The following PTPRJ variants were observed in gnomAD, a reference collection of about 807,000 sequenced individuals.
PTPRJ encodes the protein receptor-type tyrosine-protein phosphatase eta.
Under a neutral mutation model 141.3 loss-of-function variants are expected in PTPRJ, and 129 were observed. The observed-to-expected ratio is 0.91, with a 90% confidence interval of 0.79 to 1.06. PTPRJ has a LOEUF of 1.06. PTPRJ is among the 50% of genes least tolerant of loss of function. The probability of loss-of-function intolerance (pLI) is 0.00; values close to 1 mark genes in which losing one functional copy is unlikely to be tolerated. For missense variants in PTPRJ, 1,601 were observed against 1,679.7 expected (o/e 0.95, Z 0.82); for synonymous variants, 610 against 640.5 (o/e 0.95, Z 0.72).
At chr11:47,988,262 A>G (rs1854102039) in intron 1 of PTPRJ, among the ~76,000 whole-genome samples, 1 of 152,260 alleles carries the variant, frequency 6.6e-6, no homozygotes, top group Admixed American at 6.5e-5. Context: ...GTAAAAGGGA[A>G]GAATCCTTCC....
At chr11:48,132,193 A>T in intron 8 of PTPRJ, 11 of 985,428 alleles carry the variant, frequency 1.1e-5, no homozygotes, top group Non-Finnish European at 1.2e-5. Flanking sequence ...CCTAAACAAC[A>T]CTGTGATGAG....
chr11:48,100,482 G>A (rs889074122), intron 1 of PTPRJ, among the ~76,000 whole-genome samples: 1 of 152,298 alleles, frequency 6.6e-6, no homozygotes, highest in East Asian at 1.9e-4. Context: ...GTCTTATGAG[G>A]TAAATACTGT....
At chr11:48,164,304 T>C (rs1007612740) in intron 23 of PTPRJ, 76 bp from the exon 24 acceptor site, 1 of 1,551,866 alleles carries the variant, frequency 6.4e-7, no homozygotes, top group South Asian at 1.2e-5. Flanking sequence ...GCAAGATATA[T>C]GTACAAATGA....
intron 1 of PTPRJ, among the ~76,000 whole-genome samples, chr11:47,994,041 A>C (rs191907476): frequency 6.6e-6 from 1 of 151,642 alleles, no homozygotes; most frequent in Non-Finnish European, 1.5e-5. Context: ...TTTGTATTTT[A>C]GTAGAGACGG....
chr11:48,005,386 A>G (rs569626878), intron 1 of PTPRJ, among the ~76,000 whole-genome samples: 3 of 152,098 alleles, frequency 2.0e-5, no homozygotes, highest in African/African-American at 4.8e-5. Context: ...GCAACCACCA[A>G]TTTGCTTTCT....
intron 1 of PTPRJ, among the ~76,000 whole-genome samples, chr11:48,063,660 C>T (rs114810497): frequency 1.1e-4 from 16 of 152,320 alleles, no homozygotes; most frequent in African/African-American, 3.8e-4. Flanking sequence ...CTGACTGATA[C>T]ACTTGGCTGC....
intron 1 of PTPRJ, among the ~76,000 whole-genome samples, chr11:48,092,308 A>T (rs1565298737): frequency 6.6e-6 from 1 of 150,392 alleles, no homozygotes; most frequent in Admixed American, 6.6e-5. Flanking sequence ...AAAAAAAAAA[A>T]AAAAAAAAAG....
intron 8 of PTPRJ, among the ~76,000 whole-genome samples, chr11:48,131,051 C>CACATATATAT (rs1286082298): frequency 1.7e-4 from 19 of 112,092 alleles, no homozygotes; most frequent in African/African-American, 7.6e-4. Context: ...CACACACACA[C>CACATATATAT]ATATATATAT....
chr11:48,082,874 G>T (rs780207749), intron 1 of PTPRJ, among the ~76,000 whole-genome samples: 11 of 152,136 alleles, frequency 7.2e-5, no homozygotes, highest in Admixed American at 2.0e-4. Context: ...TACCCTCCAG[G>T]AGTTGTACAA....
At chr11:48,120,630 G>A (rs1856681725) in intron 3 of PTPRJ, among the ~76,000 whole-genome samples, 1 of 151,848 alleles carries the variant, frequency 6.6e-6, no homozygotes, top group Non-Finnish European at 1.5e-5. Context: ...GTAGAGGTGG[G>A]GTTTCACCAT....
intron 1 of PTPRJ, among the ~76,000 whole-genome samples, chr11:47,994,723 AG>A (rs1854286070): frequency 6.6e-6 from 1 of 152,226 alleles, no homozygotes; most frequent in Non-Finnish European, 1.5e-5. Context: ...ATGTCTCCCT[AG>A]GGGTACCCCA....
chr11:48,057,693 G>GTT (rs1379671000), intron 1 of PTPRJ, among the ~76,000 whole-genome samples: 1 of 152,038 alleles, frequency 6.6e-6, no homozygotes, highest in Admixed American at 6.6e-5. Context: ...GGAGCCTGGA[G>GTT]TTTTGAGGGA....
At chr11:48,139,870 GT>G in intron 11 of PTPRJ, 94 bp downstream of exon 11, 1 of 1,297,328 alleles carries the variant, frequency 7.7e-7, no homozygotes. Flanking sequence ...CTAGAAATCT[GT>G]TTTTGTTTTT....
chr11:48,145,072 C>T lies in PTPRJ; in HGVS notation c.2859C>T (p.Ser953=). The change falls in exon 14 of 25, where the codon AGC becomes AGT. Residue 953 remains serine (S), a synonymous_variant. Coordinates refer to ENST00000418331, the MANE Select transcript of PTPRJ (RefSeq NM_002843.4). ...AGGGGCTCATTGATGGGGCTGAGAG[C>T]TATGTGTCCTTCAGTCGCTACTCAG... ...QNKGLIDGAE[S]YVSFSRYSDA... is the part of the protein sequence containing the mutation. 1 of 1,614,180 alleles carries T rather than the reference C, an allele frequency of 6.2e-7. No homozygotes were observed. Among genetic ancestry groups the T allele is most frequent in the African/African-American group, 1.3e-5 (1 of 75,054 alleles).
At chr11:48,131,541 C>T (rs371346598) in intron 8 of PTPRJ, 1 of 776,128 alleles carries the variant, frequency 1.3e-6, no homozygotes, top group Non-Finnish European at 2.4e-6. Flanking sequence ...GGAATTCCAT[C>T]ATCTGAAACA....
chr11:48,017,518 G>A (rs887798928), intron 1 of PTPRJ, among the ~76,000 whole-genome samples: 12 of 152,206 alleles, frequency 7.9e-5, no homozygotes, highest in Admixed American at 7.9e-4. Flanking sequence ...TCCACAAAAT[G>A]CAGTGTAGAT....
At position 48,014,839 on chromosome 11, in the gene PTPRJ, A is replaced by T. The variant is rs147988780; in HGVS notation, c.96+33831A>T. 1.4e-4 allele frequency among the ~76,000 whole-genome samples: 21 copies of T among 152,206 alleles called. No homozygotes were observed. In the East Asian group the frequency reaches 4.1e-3, roughly 29 times the overall value. ...TGCCTCAGCCTCTCGAGTAGCTGGG[A>T]TTACAGGCATGCGCCACCATGCCCG... On this transcript the variant is annotated intron_variant, in intron 1 of 24. Coordinates refer to ENST00000418331, the MANE Select transcript of PTPRJ (RefSeq NM_002843.4).
intron 3 of PTPRJ, among the ~76,000 whole-genome samples, chr11:48,116,228 A>C (rs1856563738): frequency 6.6e-6 from 1 of 152,224 alleles, no homozygotes; most frequent in African/African-American, 2.4e-5. Flanking sequence ...GGATGGAAAA[A>C]GATACTCCAT....
intron 1 of PTPRJ, among the ~76,000 whole-genome samples, chr11:48,018,244 A>G (rs1406570899): frequency 6.6e-6 from 1 of 151,908 alleles, no homozygotes; most frequent in African/African-American, 2.4e-5. Context: ...AAACTGTTCA[A>G]CATGACTTCT....
Sources: allele counts gnomAD v4.1 joint callset (sites outside exome capture counted in the v4.1 genomes callset), GRCh38; gene constraint gnomAD v4.1.1; transcripts MANE v1.5; gene names NCBI Gene and HGNC (gene_info 2026-07-23, HGNC 2026-07-21).